Variants in BACE2 observed in about 807,000 individuals in gnomAD.
BACE2 encodes the protein 56 kDa aspartic-like protease.
A neutral mutation model predicts 46.2 loss-of-function variants in BACE2; 17 were observed. The observed-to-expected ratio is 0.37, with a 90% CI of 0.25 to 0.55. The LOEUF (loss-of-function observed/expected upper bound fraction) is 0.55, where lower values mean the gene tolerates loss of function less well. Among genes scored for constraint, BACE2 ranks in the 20% least tolerant of loss-of-function variants. BACE2 has a pLI of 0.82. For missense variants in BACE2, 595 were observed against 698.1 expected (o/e 0.85, Z 1.66); for synonymous variants, 277 against 295.9 (o/e 0.94, Z 0.66).
rs376636902 is a variant in BACE2, at chr21:41,241,772, A to G, written c.619-47A>G. 7 of 1,610,148 alleles carry G rather than the reference A, an allele frequency of 4.3e-6. No homozygotes were observed. The African/African-American group carries it at 8.0e-5, about 18-fold the overall frequency. ...CGTCTACACTGGGTGACCCATGTCT[A>G]CACTGTGAGTCCTAAGCGGGTGCCC... On this transcript the variant is annotated intron_variant, in intron 3 of 8. Transcript: ENST00000330333.
At chr21:41,250,668 C>G in intron 6 of BACE2, 84 bp from the exon 7 acceptor site, 1 of 1,301,562 alleles carries the variant, frequency 7.7e-7, no homozygotes, top group South Asian at 1.3e-5. Flanking sequence ...GGGCATCTGG[C>G]GAGGTGGCTA....
intron 8 of BACE2, among the ~76,000 whole-genome samples, chr21:41,273,494 C>T (rs899787154): frequency 1.3e-5 from 2 of 152,214 alleles, no homozygotes; most frequent in African/African-American, 4.8e-5. Context: ...CGATATTTCT[C>T]CTATTTGCTT....
At chr21:41,209,499 G>A (rs536783142) in intron 1 of BACE2, among the ~76,000 whole-genome samples, 2 of 152,304 alleles carry the variant, frequency 1.3e-5, no homozygotes, top group South Asian at 2.1e-4. Context: ...AATTTGATGC[G>A]TGCCTTTTTC....
intron 3 of BACE2, among the ~76,000 whole-genome samples, chr21:41,240,498 C>T (rs8127689): frequency 1.6e-4 from 25 of 152,176 alleles, no homozygotes; most frequent in East Asian, 3.9e-4. Context: ...AGCCCCAGAG[C>T]GGCTCCAGGC....
At chr21:41,196,784 C>T (rs191827653) in intron 1 of BACE2, among the ~76,000 whole-genome samples, 39 of 152,262 alleles carry the variant, frequency 2.6e-4, no homozygotes, top group African/African-American at 7.9e-4. Context: ...GTTCACCTGC[C>T]GGGTGTCCTG....
chr21:41,265,652 T>C (rs1400569427), intron 8 of BACE2, among the ~76,000 whole-genome samples: 2 of 152,206 alleles, frequency 1.3e-5, no homozygotes, highest in South Asian at 2.1e-4. Flanking sequence ...TGTTGGATTC[T>C]TTTTTTGTAT....
chr21:41,279,041 G>A lies in BACE2; in HGVS notation c.*3417G>A, dbSNP rs534359590. ...TTTTGGTTGTTGTTTTGTTTTTTTT[G>A]AAAAACGACGCAACACCATAAAGTG... On this transcript the variant is annotated 3_prime_UTR_variant, in exon 9 of 9. Coordinates refer to ENST00000330333, the MANE Select transcript of BACE2 (RefSeq NM_012105.5). The A allele has an allele frequency of 1.3e-4, 19 of 149,544 alleles. No individual in the cohort carries two copies. In the East Asian group the frequency reaches 3.5e-3, roughly 28 times the overall value. 9.3% of individuals were successfully genotyped at this position (149,544 alleles called of 1,614,324 possible).
intron 1 of BACE2, among the ~76,000 whole-genome samples, chr21:41,218,255 G>A (rs1180729359): frequency 6.6e-6 from 1 of 152,130 alleles, no homozygotes. Flanking sequence ...GGAAAAATAA[G>A]ACATGCTTTA....
chr21:41,214,288 G>A (rs1010980917), intron 1 of BACE2, among the ~76,000 whole-genome samples: 7 of 152,216 alleles, frequency 4.6e-5, no homozygotes, highest in Non-Finnish European at 8.8e-5. Flanking sequence ...GAATTTGTTT[G>A]ATGGGAGGGT....
chr21:41,204,329 C>G (rs1002491744), intron 1 of BACE2, among the ~76,000 whole-genome samples: 1 of 152,212 alleles, frequency 6.6e-6, no homozygotes, highest in Non-Finnish European at 1.5e-5. Flanking sequence ...GCATGAGCCA[C>G]TGCGCCCGGC....
chr21:41,175,135 A>G (rs1984771089), intron 1 of BACE2: 1 of 152,214 alleles, frequency 6.6e-6, no homozygotes, highest in African/African-American at 2.4e-5. Context: ...AAAAGAAGAG[A>G]GAATACTCTG....
At chr21:41,235,637 G>C (rs1987094808) in intron 2 of BACE2, among the ~76,000 whole-genome samples, 1 of 152,198 alleles carries the variant, frequency 6.6e-6, no homozygotes, top group African/African-American at 2.4e-5. Flanking sequence ...AGGAGTTTGA[G>C]ACTAGCTCGG....
chr21:41,186,447 C>G (rs1248810940), intron 1 of BACE2: 1 of 152,360 alleles, frequency 6.6e-6, no homozygotes. Flanking sequence ...ACAGATCTTA[C>G]ATCCTCAATC....
At chr21:41,240,895 C>A (rs112893198) in intron 3 of BACE2, among the ~76,000 whole-genome samples, 2 of 152,210 alleles carry the variant, frequency 1.3e-5, no homozygotes, top group Non-Finnish European at 2.9e-5. Flanking sequence ...TTAGTTCTCA[C>A]GGATAGTAAA....
intron 2 of BACE2, among the ~76,000 whole-genome samples, chr21:41,235,226 C>G (rs1987082440): frequency 6.6e-6 from 1 of 152,228 alleles, no homozygotes; most frequent in Non-Finnish European, 1.5e-5. Context: ...GAAGGAGAGT[C>G]TGTCTCATTG....
At position 41,243,639 on chromosome 21, in the gene BACE2, G is replaced by A. The variant is rs568809796; in HGVS notation, c.882+129G>A. 3.1e-6 allele frequency: 3 copies of A among 967,690 alleles called. No individual in the cohort carries two copies. The South Asian group carries it at 7.3e-5, about 24-fold the overall frequency. 59.9% of individuals were successfully genotyped at this position (967,690 alleles called of 1,614,324 possible). Reference sequence around the variant, plus strand: ...AAGATAAAGGCTCATTACATGAAAAGATGCAGGGCCTTGCTGTACAGTAAG... The same window carrying A: ...AAGATAAAGGCTCATTACATGAAAAAATGCAGGGCCTTGCTGTACAGTAAG... On this transcript the variant is annotated intron_variant, in intron 5 of 8. Coordinates refer to ENST00000330333, the MANE Select transcript of BACE2 (RefSeq NM_012105.5).
intron 8 of BACE2, among the ~76,000 whole-genome samples, chr21:41,271,844 G>A (rs1412025118): frequency 1.3e-5 from 2 of 151,986 alleles, no homozygotes; most frequent in East Asian, 3.8e-4. Flanking sequence ...TATAATTTTT[G>A]ATTTAATTGA....
intron 1 of BACE2, among the ~76,000 whole-genome samples, chr21:41,169,756 A>G (rs928183838): frequency 4.6e-5 from 7 of 151,212 alleles, no homozygotes; most frequent in South Asian, 2.1e-4. Context: ...GTTTAGGGGG[A>G]AAAAAAAACC....
chr21:41,188,043 A>C (rs1211494595), intron 1 of BACE2, among the ~76,000 whole-genome samples: 1 of 152,216 alleles, frequency 6.6e-6, no homozygotes, highest in African/African-American at 2.4e-5. Context: ...TCCTTCCATT[A>C]GTCAATATAC....
Sources: gnomAD v4.1 joint callset for allele counts (sites outside exome capture counted in the v4.1 genomes callset) on GRCh38, gnomAD v4.1.1 for gene constraint, MANE v1.5 for transcripts, NCBI Gene and HGNC (gene_info 2026-07-23, HGNC 2026-07-21) for gene names.